Variants in OTULINL observed in about 807,000 individuals in gnomAD.
The protein encoded by OTULINL is OTU deubiquitinase with linear linkage specificity like.
Under a neutral mutation model 43.9 loss-of-function variants are expected in OTULINL, and 42 were observed. The ratio of observed to expected loss-of-function variants is 0.96; its 90% CI spans 0.75 to 1.24. OTULINL has a LOEUF of 1.24. Ranked by LOEUF, OTULINL falls within the 50% of genes most tolerant of loss-of-function variation. The pLI is 0.00. For missense variants in OTULINL, 411 were observed against 426.4 expected (o/e 0.96, Z 0.32); for synonymous variants, 172 against 153.6 (o/e 1.12, Z -0.88).
chr5:14,598,256 C>T (rs1333920067), intron 1 of OTULINL, among the ~76,000 whole-genome samples: 1 of 152,230 alleles, frequency 6.6e-6, no homozygotes, highest in Non-Finnish European at 1.5e-5. Context: ...CACAAGTGAG[C>T]ACCACCCTGT....
intron 7 of OTULINL, 68 bp from the exon 8 acceptor site, chr5:14,610,073 C>T: frequency 7.2e-7 from 1 of 1,394,424 alleles, no homozygotes; most frequent in Middle Eastern, 1.8e-4. Context: ...GAACACTTCC[C>T]CCCACCGTGG....
intron 1 of OTULINL, among the ~76,000 whole-genome samples, chr5:14,583,765 A>G (rs775422831): frequency 1.1e-4 from 17 of 152,244 alleles, no homozygotes; most frequent in Non-Finnish European, 2.2e-4. Flanking sequence ...GTTTGGCAAA[A>G]CAAAAATAAA....
intron 1 of OTULINL, among the ~76,000 whole-genome samples, chr5:14,594,341 G>A (rs1253798430): frequency 6.6e-6 from 1 of 152,220 alleles, no homozygotes; most frequent in Non-Finnish European, 1.5e-5. Flanking sequence ...TTAGACTAAT[G>A]TACAATATTT....
At chr5:14,589,990 C>T (rs987676469) in intron 1 of OTULINL, among the ~76,000 whole-genome samples, 2 of 152,102 alleles carry the variant, frequency 1.3e-5, no homozygotes, top group African/African-American at 4.8e-5. Context: ...ATAGGCATAG[C>T]TTCCAGCCAT....
rs1759100821 is a variant in OTULINL, at chr5:14,586,325, A to AT, written c.64+4368dup. Among the ~76,000 whole-genome samples the AT allele has an allele frequency of 2.6e-5, 4 of 152,318 alleles. No homozygotes were observed. In the South Asian group the frequency reaches 8.3e-4, roughly 32 times the overall value. On this transcript the variant is annotated intron_variant, in intron 1 of 7. Transcript: ENST00000274217. The stretch of plus-strand genomic sequence containing the variant: ...TTTCTAGTAACTTTTTATGCTAGTA[A>AT]TAGTCCATTTTTCTACTTTCCCATT...
At chr5:14,596,418 G>A (rs551715010) in intron 1 of OTULINL, among the ~76,000 whole-genome samples, 5 of 152,290 alleles carry the variant, frequency 3.3e-5, no homozygotes, top group African/African-American at 9.6e-5. Flanking sequence ...TTGGGGAAAT[G>A]AGATTTGATG....
At chr5:14,609,779 C>T (rs1173746822) in intron 7 of OTULINL, among the ~76,000 whole-genome samples, 4 of 152,186 alleles carry the variant, frequency 2.6e-5, no homozygotes, top group East Asian at 3.9e-4. Flanking sequence ...TACAGGCGCC[C>T]GCCACTGCGC....
intron 2 of OTULINL, 37 bp from the exon 3 acceptor site, chr5:14,601,176 C>T (rs531954382): frequency 7.5e-5 from 121 of 1,611,756 alleles, no homozygotes; most frequent in Non-Finnish European, 9.6e-5. Context: ...CTATTCAAAG[C>T]AGAATTCTGA....
rs191304069 is a variant in OTULINL at position 14,590,881 on chromosome 5, A to G, written c.64+8923A>G. 3.0e-4 allele frequency among the ~76,000 whole-genome samples: 45 copies of G among 152,320 alleles called. 1 individual carries two copies. Among genetic ancestry groups the G allele is most frequent in the African/African-American group, 1.1e-3 (45 of 41,574 alleles). On this transcript the variant is annotated intron_variant, in intron 1 of 7. Coordinates refer to ENST00000274217, the MANE Select transcript of OTULINL (RefSeq NM_019018.3). ...CTAGCAGGATGTGGGTCTTTCCTACAAATGAGAAAAGCCATGGAAAGAGTT... is the reference window on the plus strand; with the variant it reads ...CTAGCAGGATGTGGGTCTTTCCTACGAATGAGAAAAGCCATGGAAAGAGTT...
Position 14,609,111 on chromosome 5 carries a change from A to G in OTULINL, c.897+94A>G, listed in dbSNP as rs903870936. The G allele has an allele frequency of 7.1e-6, 9 of 1,275,720 alleles. No individual in the cohort carries two copies. The African/African-American group carries it at 1.2e-4, about 17-fold the overall frequency. The allele number at this position is 1,275,720 out of a possible 1,614,324, so 79.0% of individuals were successfully genotyped here. A position where few individuals can be genotyped will look rare whatever the true frequency, so the allele number is the denominator to read the frequency against. Reference sequence around the variant, plus strand: ...TCTGGGGTGACTTTTCAGTGGTGACATAAGCGATTGCACAGAGGTGGTTGA... The same window carrying G: ...TCTGGGGTGACTTTTCAGTGGTGACGTAAGCGATTGCACAGAGGTGGTTGA... On this transcript the variant is annotated intron_variant, in intron 7 of 7. Transcript: ENST00000274217.
rs961993552 is a variant in OTULINL at position 14,615,327 on chromosome 5, C to G, written c.*5013C>G. ...CTTGGGAACTGCTTCAAGTCCATGC[C>G]AGGTCATGGCTTCGTCCGCCTCCCA... On this transcript the variant is annotated 3_prime_UTR_variant, in exon 8 of 8. Coordinates refer to ENST00000274217, the MANE Select transcript of OTULINL (RefSeq NM_019018.3). 3.3e-5 allele frequency among the ~76,000 whole-genome samples: 5 copies of G among 152,210 alleles called. No individual in the cohort carries two copies. The highest frequency in any genetic ancestry group is 7.3e-5 in the Non-Finnish European group (5 of 68,038).
rs1023489192 is a variant in OTULINL, at chr5:14,613,875, G to A, written c.*3561G>A. On this transcript the variant is annotated 3_prime_UTR_variant, in exon 8 of 8. Coordinates refer to ENST00000274217, the MANE Select transcript of OTULINL (RefSeq NM_019018.3). ...TTTCCCAGGACTTTTCTGCAAATGG[G>A]TATTGGATGGAAATATTTGTTCTCA... Among the ~76,000 whole-genome samples the A allele has an allele frequency of 2.0e-5, 3 of 152,144 alleles. No homozygotes were observed. Among genetic ancestry groups the A allele is most frequent in the African/African-American group, 7.2e-5 (3 of 41,436 alleles).
intron 1 of OTULINL, among the ~76,000 whole-genome samples, chr5:14,593,104 G>T (rs920185661): frequency 1.3e-5 from 2 of 152,152 alleles, no homozygotes; most frequent in African/African-American, 4.8e-5. Flanking sequence ...ATTTATAATT[G>T]TAGCATCAGC....
In OTULINL at chr5:14,611,857, C is replaced by T. The variant is rs1759589149; in HGVS notation, c.*1543C>T. 1 of 152,098 alleles carries T rather than the reference C, an allele frequency of 6.6e-6. No homozygotes were observed. Among genetic ancestry groups the T allele is most frequent in the African/African-American group, 2.4e-5 (1 of 41,410 alleles). 9.4% of individuals were successfully genotyped at this position (152,098 alleles called of 1,614,324 possible). A position where few individuals can be genotyped will look rare whatever the true frequency, so the allele number is the denominator to read the frequency against. On this transcript the variant is annotated 3_prime_UTR_variant, in exon 8 of 8. Transcript: ENST00000274217. ...GAGATATTTAGCACTATCATTTTCC[C>T]AGATGTTCATATTATTTCTGCAATA...
rs1759563694 is a variant in OTULINL at position 14,610,461 on chromosome 5, G to A, written c.*147G>A. ...TTACAGGTACACTGGATGCAGCCAT[G>A]CATGGATGGTTTTTCTTTATTTTTC... On this transcript the variant is annotated 3_prime_UTR_variant, in exon 8 of 8. Transcript: ENST00000274217. 4 of 751,540 alleles carry A rather than the reference G, an allele frequency of 5.3e-6. No homozygotes were observed. In the Admixed American group the frequency reaches 8.8e-5, roughly 16 times the overall value. The allele number at this position is 751,540 out of a possible 1,614,324, so 46.6% of individuals were successfully genotyped here.
chr5:14,582,754 G>A (rs1156592254), intron 1 of OTULINL, among the ~76,000 whole-genome samples: 1 of 143,466 alleles, frequency 7.0e-6, no homozygotes, highest in African/African-American at 2.6e-5. Context: ...GGCGGAGGTT[G>A]CAGTGAGCCG....
intron 1 of OTULINL, among the ~76,000 whole-genome samples, chr5:14,592,166 A>G (rs1759216051): frequency 1.3e-5 from 2 of 152,140 alleles, no homozygotes; most frequent in Admixed American, 1.3e-4. Flanking sequence ...TGTCCTGGGG[A>G]TCACACCCAG....
At chr5:14,593,723 TGCCCGACTCTCAGC>T (rs1187633060) in intron 1 of OTULINL, among the ~76,000 whole-genome samples, 14 of 152,250 alleles carry the variant, frequency 9.2e-5, no homozygotes, top group African/African-American at 3.4e-4. Context: ...TCAAGAGATG[TGCCCGACTCTCAGC>T]TGTGATGTTA....
intron 1 of OTULINL, among the ~76,000 whole-genome samples, chr5:14,598,841 A>G (rs573577911): frequency 8.5e-4 from 129 of 152,354 alleles, no homozygotes; most frequent in African/African-American, 2.9e-3. Context: ...TGAGGAAAAA[A>G]CTAAAATCAT....
Sources: gnomAD v4.1 joint callset for allele counts (sites outside exome capture counted in the v4.1 genomes callset) on GRCh38, gnomAD v4.1.1 for gene constraint, MANE v1.5 for transcripts, NCBI Gene and HGNC (gene_info 2026-07-23, HGNC 2026-07-21) for gene names.